Variants in PPFIA1 observed in about 807,000 individuals in gnomAD.
PPFIA1 encodes the protein liprin-alpha-1.
A neutral mutation model predicts 149.9 loss-of-function variants in PPFIA1; 25 were observed. The ratio of observed to expected loss-of-function variants is 0.17; its 90% CI spans 0.12 to 0.23. The LOEUF (loss-of-function observed/expected upper bound fraction) is 0.23. Ranked by LOEUF, PPFIA1 falls within the 10% of genes least tolerant of loss-of-function variation. PPFIA1 has a pLI of 1.00. For missense variants in PPFIA1, 1,362 were observed against 1,506.5 expected (o/e 0.90, Z 1.59); for synonymous variants, 549 against 552.8 (o/e 0.99, Z 0.10).
chr11:70,356,108 A>T, intron 18 of PPFIA1, 53 bp from the exon 19 acceptor site: 1 of 1,387,850 alleles, frequency 7.2e-7, no homozygotes, highest in Non-Finnish European at 1.0e-6. Flanking sequence ...TTATGAAAAC[A>T]TAGAGCTTTG....
Position 70,372,463 on chromosome 11 carries a change from T to C in PPFIA1, c.3042-14T>C, listed in dbSNP as rs775983359. On this transcript the variant is annotated splice_polypyrimidine_tract_variant and intron_variant, in intron 22 of 27. Transcript: ENST00000253925. Reference sequence around the variant, plus strand: ...GTTACCATCTCTAAATCATCTCTCTTTTCTTCCAAATAGAAACAGTTTCCA... The same window carrying C: ...GTTACCATCTCTAAATCATCTCTCTCTTCTTCCAAATAGAAACAGTTTCCA... 8 of 1,613,364 alleles carry C rather than the reference T, an allele frequency of 5.0e-6. No homozygotes were observed. The highest frequency in any genetic ancestry group is 1.7e-6 in the Non-Finnish European group (2 of 1,179,326).
intron 11 of PPFIA1, among the ~76,000 whole-genome samples, chr11:70,337,084 G>T (rs572389177): frequency 6.6e-6 from 1 of 152,308 alleles, no homozygotes; most frequent in African/African-American, 2.4e-5. Context: ...CTAAAAGTTA[G>T]TATAAGCCAG....
chr11:70,278,895 A>G, intron 2 of PPFIA1: 2 of 539,250 alleles, frequency 3.7e-6, no homozygotes, highest in South Asian at 3.6e-5. Flanking sequence ...TGAGATAATA[A>G]GGAATCCAGG....
intron 11 of PPFIA1, among the ~76,000 whole-genome samples, chr11:70,336,005 AAAT>A (rs2054955014): frequency 1.3e-5 from 2 of 152,342 alleles, no homozygotes; most frequent in African/African-American, 4.8e-5. Context: ...ATGAGTAATT[AAAT>A]AATTTTATGC....
At position 70,374,889 on chromosome 11, in the gene PPFIA1, CTT is replaced by C; in HGVS notation, c.3140-26_3140-25del. The C allele has an allele frequency of 2.5e-6, 4 of 1,604,244 alleles. No individual in the cohort carries two copies. In the Middle Eastern group the frequency reaches 5.0e-4, roughly 200 times the overall value. On this transcript the variant is annotated intron_variant, in intron 23 of 27. Coordinates refer to ENST00000253925, the MANE Select transcript of PPFIA1 (RefSeq NM_003626.5). ...TGATAAAGATGGCTTTCTGAAGCCACTTTTATAATTGTCTTTATTCTTTTGCA... is the reference window on the plus strand; with the variant it reads ...TGATAAAGATGGCTTTCTGAAGCCACTTATAATTGTCTTTATTCTTTTGCA...
intron 2 of PPFIA1, among the ~76,000 whole-genome samples, chr11:70,299,315 T>A (rs1026543152): frequency 2.0e-5 from 3 of 152,180 alleles, no homozygotes; most frequent in Non-Finnish European, 2.9e-5. Context: ...TTTCTTTTTC[T>A]TACAGGGGTC....
chr11:70,345,991 G>A (rs1016285137), intron 15 of PPFIA1: 21 of 455,070 alleles, frequency 4.6e-5, no homozygotes, highest in Admixed American at 4.5e-4. Context: ...AACATGGACA[G>A]TGAGTGCTCA....
At chr11:70,293,875 T>A (rs186804562) in intron 2 of PPFIA1, among the ~76,000 whole-genome samples, 1 of 152,100 alleles carries the variant, frequency 6.6e-6, no homozygotes, top group East Asian at 1.9e-4. Context: ...GGACTAGCGA[T>A]TGGATCCCTT....
intron 24 of PPFIA1, chr11:70,375,349 A>G: frequency 1.3e-5 from 4 of 313,636 alleles, no homozygotes; most frequent in South Asian, 2.9e-4. Flanking sequence ...AGTGACATAT[A>G]TTTAGTTCTT....
chr11:70,357,537 C>T (rs963768972), intron 19 of PPFIA1, among the ~76,000 whole-genome samples: 1 of 151,930 alleles, frequency 6.6e-6, no homozygotes, highest in Non-Finnish European at 1.5e-5. Context: ...ATAGAAACCA[C>T]GTAACAGCAA....
chr11:70,315,678 G>GTTT (rs71049904), intron 2 of PPFIA1, among the ~76,000 whole-genome samples: 244 of 72,932 alleles, frequency 3.3e-3, no homozygotes, highest in Middle Eastern at 0.015. Context: ...CTTTTTTTCT[G>GTTT]TTTTTTTTTT....
intron 2 of PPFIA1, among the ~76,000 whole-genome samples, chr11:70,300,307 G>A (rs774069832): frequency 5.3e-4 from 80 of 152,158 alleles, no homozygotes; most frequent in Non-Finnish European, 8.7e-4. Context: ...CTGGGATTCA[G>A]GGGCTTGGGG....
intron 21 of PPFIA1, among the ~76,000 whole-genome samples, chr11:70,366,746 C>T (rs1455168168): frequency 6.6e-6 from 1 of 152,202 alleles, no homozygotes. Flanking sequence ...GATTTTAAAT[C>T]ATAATTTTCC....
At chr11:70,293,461 C>G (rs1016012710) in intron 2 of PPFIA1, among the ~76,000 whole-genome samples, 1 of 152,168 alleles carries the variant, frequency 6.6e-6, no homozygotes, top group Non-Finnish European at 1.5e-5. Flanking sequence ...AAACAAATCA[C>G]TGGAACAATA....
chr11:70,324,057 T>C (rs1242266323), intron 2 of PPFIA1, among the ~76,000 whole-genome samples: 1 of 152,248 alleles, frequency 6.6e-6, no homozygotes, highest in Non-Finnish European at 1.5e-5. Context: ...CACATGTCTG[T>C]GAGTCATTTA....
At chr11:70,301,243 C>A (rs2052470042) in intron 2 of PPFIA1, among the ~76,000 whole-genome samples, 1 of 149,132 alleles carries the variant, frequency 6.7e-6, no homozygotes, top group African/African-American at 2.4e-5. Context: ...CCATGCTAGC[C>A]TGCACAAAGT....
At chr11:70,313,891 G>A (rs183613410) in intron 2 of PPFIA1, among the ~76,000 whole-genome samples, 105 of 152,298 alleles carry the variant, frequency 6.9e-4, no homozygotes, top group South Asian at 2.3e-3. Context: ...GGTGGCGCAT[G>A]CCTGTGGTCC....
chr11:70,328,660 C>A (rs1324024258), intron 7 of PPFIA1, among the ~76,000 whole-genome samples: 1 of 151,850 alleles, frequency 6.6e-6, no homozygotes, highest in Non-Finnish European at 1.5e-5. Flanking sequence ...CACTGTCTTC[C>A]ACGATGGTTG....
chr11:70,353,254 C>T (rs970480809), intron 16 of PPFIA1, among the ~76,000 whole-genome samples: 4 of 152,116 alleles, frequency 2.6e-5, no homozygotes, highest in Non-Finnish European at 5.9e-5. Flanking sequence ...GCTTGTAGTC[C>T]CACCTACTTT....
Sources: gnomAD v4.1 joint callset for allele counts (sites outside exome capture counted in the v4.1 genomes callset) on GRCh38, gnomAD v4.1.1 for gene constraint, MANE v1.5 for transcripts, NCBI Gene and HGNC (gene_info 2026-07-23, HGNC 2026-07-21) for gene names.